Variants in CTNNA3 observed in about 807,000 individuals in gnomAD.
The protein encoded by CTNNA3 is catenin alpha-3.
A neutral mutation model predicts 95.7 loss-of-function variants in CTNNA3; 76 were observed. That is an observed-to-expected ratio of 0.79 (90% confidence interval 0.66 to 0.96). The LOEUF (loss-of-function observed/expected upper bound fraction) is 0.96, where lower values mean the gene tolerates loss of function less well. Among genes scored for constraint, CTNNA3 ranks in the 40% least tolerant of loss-of-function variants. The probability of loss-of-function intolerance (pLI) is 0.00; values close to 1 mark genes in which losing one functional copy is unlikely to be tolerated. For synonymous variants in CTNNA3, 431 were observed against 374.4 expected, an observed-to-expected ratio of 1.15 and a Z score of -1.74; for missense variants, 1,191 against 1,089.8, an observed-to-expected ratio of 1.09 and a Z score of -1.31.
At chr10:66,182,825 G>A (rs1402005227) in intron 13 of CTNNA3, among the ~76,000 whole-genome samples, 2 of 152,074 alleles carry the variant, frequency 1.3e-5, no homozygotes, top group Admixed American at 6.5e-5. Context: ...TGAAACCATG[G>A]TCTATAATAA....
intron 14 of CTNNA3, among the ~76,000 whole-genome samples, chr10:66,083,645 G>A (rs2080856301): frequency 6.6e-6 from 1 of 152,154 alleles, no homozygotes; most frequent in Non-Finnish European, 1.5e-5. Flanking sequence ...ACTAAGGTCT[G>A]GCTTATTCTT....
chr10:67,045,602 G>A (rs558761779), intron 7 of CTNNA3, among the ~76,000 whole-genome samples: 20 of 152,284 alleles, frequency 1.3e-4, no homozygotes, highest in East Asian at 5.8e-4. Context: ...ACGGGCAAGG[G>A]GGCAGCTGCC....
intron 3 of CTNNA3, among the ~76,000 whole-genome samples, chr10:67,577,718 G>C (rs941654456): frequency 1.3e-5 from 2 of 150,368 alleles, no homozygotes; most frequent in African/African-American, 4.9e-5. Context: ...GTGTGTGTGT[G>C]TGTGTATATA....
At chr10:67,140,299 ATATT>A (rs569525939) in intron 7 of CTNNA3, among the ~76,000 whole-genome samples, 1 of 152,274 alleles carries the variant, frequency 6.6e-6, no homozygotes, top group East Asian at 1.9e-4. Flanking sequence ...GGTTAATAAC[ATATT>A]TAAAGATTTA....
At chr10:66,523,477 G>A (rs2660044) in intron 10 of CTNNA3, among the ~76,000 whole-genome samples, 128,837 of 152,074 alleles carry the variant, frequency 0.85, 54,896 homozygotes, top group East Asian at 0.99. Context: ...ACCCTCTTTA[G>A]GGCAGAAAAA....
At chr10:66,356,538 A>G (rs10822822) in intron 12 of CTNNA3, among the ~76,000 whole-genome samples, 80,151 of 151,806 alleles carry the variant, frequency 0.53, 22,853 homozygotes, top group Non-Finnish European at 0.64. Flanking sequence ...TTTGGAATTC[A>G]CAATCATGTC....
chr10:66,156,406 G>A (rs1387670648), intron 13 of CTNNA3, among the ~76,000 whole-genome samples: 2 of 151,900 alleles, frequency 1.3e-5, no homozygotes, highest in Admixed American at 1.3e-4. Flanking sequence ...GATTTGTGAA[G>A]CTTCTATTAC....
At position 66,740,548 on chromosome 10, in the gene CTNNA3, G is replaced by C. The variant is rs931329456; in HGVS notation, c.1281+25716C>G. ...ACAAATTTAGATTTTCCAGCACATG[G>C]CAGTTCCATTTAAGTGGAATAAAAT... On this transcript the variant is annotated intron_variant, in intron 9 of 17. Coordinates refer to ENST00000433211, the MANE Select transcript of CTNNA3 (RefSeq NM_013266.4). 3.3e-5 allele frequency among the ~76,000 whole-genome samples: 5 copies of C among 152,228 alleles called. No individual in the cohort carries two copies. The East Asian group carries it at 9.6e-4, about 29-fold the overall frequency.
At chr10:67,623,356 C>T (rs550123209) in intron 2 of CTNNA3, among the ~76,000 whole-genome samples, 1 of 152,312 alleles carries the variant, frequency 6.6e-6, no homozygotes, top group South Asian at 2.1e-4. Flanking sequence ...AAAATTAACT[C>T]TTTGGGCATC....
chr10:66,447,692 T>G (rs778135140), intron 11 of CTNNA3, among the ~76,000 whole-genome samples: 1 of 152,158 alleles, frequency 6.6e-6, no homozygotes, highest in Non-Finnish European at 1.5e-5. Context: ...GATTAAAGAC[T>G]TAACATGTTA....
chr10:67,627,813 A>G (rs1839007757), intron 2 of CTNNA3, among the ~76,000 whole-genome samples: 1 of 151,896 alleles, frequency 6.6e-6, no homozygotes, highest in African/African-American at 2.4e-5. Context: ...GGTTTTCAGT[A>G]GAAACTAGGG....
intron 7 of CTNNA3, among the ~76,000 whole-genome samples, chr10:67,106,174 G>A (rs916784574): frequency 3.9e-5 from 6 of 152,146 alleles, no homozygotes. Flanking sequence ...TGACACATTG[G>A]TACTACCACA....
rs562901317 is a variant in CTNNA3 at position 67,031,789 on chromosome 10, T to G, written c.1047+148528A>C. Among the ~76,000 whole-genome samples the G allele has an allele frequency of 2.0e-4, 31 of 152,290 alleles. No homozygotes were observed. The East Asian group carries it at 6.0e-3, about 29-fold the overall frequency. On this transcript the variant is annotated intron_variant, in intron 7 of 17. Coordinates refer to ENST00000433211, the MANE Select transcript of CTNNA3 (RefSeq NM_013266.4). ...AGTGAGAATTACTCTGTTCTTAGAGTTCTGCAATGTCACAAGATCATAAAA... is the reference window on the plus strand; with the variant it reads ...AGTGAGAATTACTCTGTTCTTAGAGGTCTGCAATGTCACAAGATCATAAAA...
At chr10:66,726,189 C>T (rs1848776090) in intron 9 of CTNNA3, among the ~76,000 whole-genome samples, 1 of 152,028 alleles carries the variant, frequency 6.6e-6, no homozygotes, top group South Asian at 2.1e-4. Context: ...CCTTTTAGTG[C>T]AGCCATACTT....
At chr10:66,552,721 T>C (rs532242664) in intron 10 of CTNNA3, among the ~76,000 whole-genome samples, 90 of 152,254 alleles carry the variant, frequency 5.9e-4, no homozygotes, top group Middle Eastern at 3.4e-3. Flanking sequence ...AAGGACTCTT[T>C]AGGTGCACTA....
intron 9 of CTNNA3, among the ~76,000 whole-genome samples, chr10:66,634,553 G>A (rs1845269194): frequency 6.8e-6 from 1 of 146,840 alleles, no homozygotes; most frequent in South Asian, 2.1e-4. Flanking sequence ...CAACATGTTT[G>A]GAAAGGTACT....
intron 7 of CTNNA3, among the ~76,000 whole-genome samples, chr10:67,133,306 G>GATATATATATATATATATATACAT (rs56800232): frequency 1.0e-5 from 1 of 97,688 alleles, no homozygotes; most frequent in Non-Finnish European, 2.1e-5. Flanking sequence ...CATATTGCCT[G>GATATATATATATATATATATACAT]ATATATATAT....
chr10:66,108,987 A>T (rs1459874013), intron 13 of CTNNA3, among the ~76,000 whole-genome samples: 6 of 152,154 alleles, frequency 3.9e-5, no homozygotes, highest in Non-Finnish European at 7.4e-5. Context: ...GGTTTTCCAT[A>T]AGCTCAGAAG....
chr10:66,676,564 C>T (rs1846863293), intron 9 of CTNNA3, among the ~76,000 whole-genome samples: 1 of 152,048 alleles, frequency 6.6e-6, no homozygotes, highest in African/African-American at 2.4e-5. Context: ...CTTCAAACTT[C>T]AGAGAAACCA....
Sources: allele counts gnomAD v4.1 joint callset (sites outside exome capture counted in the v4.1 genomes callset), GRCh38; gene constraint gnomAD v4.1.1; transcripts MANE v1.5; gene names NCBI Gene and HGNC (gene_info 2026-07-23, HGNC 2026-07-21).